FBXO6: variants seen among roughly 807,000 people sequenced by gnomAD.
FBXO6 encodes F-box only protein 6.
A neutral mutation model predicts 25.0 loss-of-function variants in FBXO6; 13 were observed. The observed-to-expected ratio is 0.52, with a 90% CI of 0.34 to 0.83. The LOEUF (loss-of-function observed/expected upper bound fraction) is 0.83, where lower values mean the gene tolerates loss of function less well. FBXO6 is among the 40% of genes least tolerant of loss of function. The pLI is 0.02. For synonymous variants in FBXO6, 138 were observed against 155.3 expected (o/e 0.89, Z 0.83); for missense variants, 370 against 380.2 (o/e 0.97, Z 0.22).
chr1:11,667,134 T>G (rs9430589), intron 1 of FBXO6, among the ~76,000 whole-genome samples: 2 of 142,746 alleles, frequency 1.4e-5, no homozygotes, highest in African/African-American at 5.1e-5. Context: ...GCAACAAGAG[T>G]GAAACTGTCT....
intron 1 of FBXO6, among the ~76,000 whole-genome samples, chr1:11,665,249 G>A (rs990858542): frequency 8.4e-6 from 1 of 118,854 alleles, no homozygotes; most frequent in African/African-American, 3.4e-5. Context: ...TTTTGAGACG[G>A]AGTGTCGCTC....
intron 2 of FBXO6, 106 bp downstream of exon 2, chr1:11,669,050 A>G (rs991620665): frequency 3.4e-5 from 46 of 1,365,406 alleles, no homozygotes; most frequent in African/African-American, 7.3e-5. Flanking sequence ...CTAACCCTAA[A>G]CACCCACCTC....
Position 11,673,159 on chromosome 1 carries a change from A to G in FBXO6, c.510-118A>G. 2.3e-6 allele frequency: 3 copies of G among 1,291,840 alleles called. No individual in the cohort carries two copies. Among genetic ancestry groups the G allele is most frequent in the Non-Finnish European group, 3.1e-6 (3 of 956,568 alleles). 80.0% of individuals were successfully genotyped at this position (1,291,840 alleles called of 1,614,324 possible). A position where few individuals can be genotyped will look rare whatever the true frequency, so the allele number is the denominator to read the frequency against. ...GAAGCCAGCTGGGCCTTGCAGGCAG[A>G]GCAGTGTCAGCTGATGGGAGATGAA... is the stretch of plus-strand genomic sequence containing the variant. On this transcript the variant is annotated intron_variant, in intron 4 of 5. Coordinates refer to ENST00000376753, the MANE Select transcript of FBXO6 (RefSeq NM_018438.6). This position sits in a 1 kb window ranked among gnomAD's most constrained non-coding sequence, Gnocchi z 4.3.
At position 11,664,243 on chromosome 1, in the gene FBXO6, C is replaced by T. The variant is rs1298288094; in HGVS notation, c.-16C>T. On this transcript the variant is annotated 5_prime_UTR_variant, in exon 1 of 6. Coordinates refer to ENST00000376753, the MANE Select transcript of FBXO6 (RefSeq NM_018438.6). ...GCAGGCCGCAGCGAGGGCCCGGGCC[C>T]TGGGGATCCCAGGTTCGTCTTCCCG... 6.6e-6 allele frequency: 1 copy of T among 151,956 alleles called. No individual in the cohort carries two copies. The highest frequency in any genetic ancestry group is 1.5e-5 in the Non-Finnish European group (1 of 68,048). 9.4% of individuals were successfully genotyped at this position (151,956 alleles called of 1,614,324 possible). A position where few individuals can be genotyped will look rare whatever the true frequency, so the allele number is the denominator to read the frequency against.
chr1:11,670,227 A>C (rs1341317363), intron 2 of FBXO6, among the ~76,000 whole-genome samples: 1 of 151,166 alleles, frequency 6.6e-6, no homozygotes, highest in Non-Finnish European at 1.5e-5. Flanking sequence ...AAAAAAAAAA[A>C]AGTGCCCTGG....
Position 11,673,521 on chromosome 1 carries a change from T to G in FBXO6, c.646-94T>G. 6.4e-7 allele frequency: 1 copy of G among 1,572,340 alleles called. No homozygotes were observed. Among genetic ancestry groups the G allele is most frequent in the Non-Finnish European group, 8.7e-7 (1 of 1,154,232 alleles). On this transcript the variant is annotated intron_variant, in intron 5 of 5. Transcript: ENST00000376753. This position sits in a 1 kb window ranked among gnomAD's most constrained non-coding sequence, Gnocchi z 4.3. Reference sequence around the variant, plus strand: ...GGTGCCCCTGCTGGCCTGGAGCTGTTGCCTTCCAGCCTGGGCAGCTCTCTT... The same window carrying G: ...GGTGCCCCTGCTGGCCTGGAGCTGTGGCCTTCCAGCCTGGGCAGCTCTCTT...
At chr1:11,670,566 C>T (rs1383520048) in intron 2 of FBXO6, among the ~76,000 whole-genome samples, 1 of 149,860 alleles carries the variant, frequency 6.7e-6, no homozygotes, top group African/African-American at 2.5e-5. Context: ...CCATCTGGGT[C>T]AAGTAAGCAG....
chr1:11,668,978 G>T, intron 2 of FBXO6, 34 bp downstream of exon 2: 11 of 1,605,608 alleles, frequency 6.9e-6, no homozygotes, highest in Non-Finnish European at 9.4e-6. Flanking sequence ...CTGCCACCAG[G>T]CTCGTTCCTT....
intron 1 of FBXO6, 132 bp from the exon 2 acceptor site, chr1:11,668,524 G>C: frequency 8.7e-7 from 1 of 1,148,420 alleles, no homozygotes; most frequent in East Asian, 2.5e-5. Flanking sequence ...AGCCTCCCAA[G>C]TACCTGGGAC....
intron 2 of FBXO6, among the ~76,000 whole-genome samples, chr1:11,669,888 C>T (rs1439165469): frequency 2.1e-5 from 3 of 145,180 alleles, no homozygotes; most frequent in Non-Finnish European, 4.6e-5. Flanking sequence ...CTGCCTGCCT[C>T]GGCCTCCCAA....
In FBXO6 at chr1:11,673,808, A is replaced by C. The variant is rs907679843; in HGVS notation, c.839A>C (p.Glu280Ala). The stretch of plus-strand genomic sequence containing the variant: ...CCTGGGCAGAAGCATGGACAGGAGG[A>C]GGCTGCCCAATCGCCCTACCGAGCT... ...AQPGQKHGQEEAAQSPYRAVV... is the reference protein window; with the variant it reads ...AQPGQKHGQEAAAQSPYRAVV... Residue 280 changes from glutamate to alanine, a missense_variant, in exon 6 of 6, where the codon GAG becomes GCG. Coordinates refer to ENST00000376753, the MANE Select transcript of FBXO6 (RefSeq NM_018438.6). This position sits in a 1 kb window ranked among gnomAD's most constrained non-coding sequence, Gnocchi z 4.3. 13 of 1,614,054 alleles carry C rather than the reference A, an allele frequency of 8.1e-6. No individual in the cohort carries two copies. The highest frequency in any genetic ancestry group is 1.1e-5 in the Non-Finnish European group (13 of 1,180,014).
Position 11,672,575 on chromosome 1 carries a change from C to T in FBXO6, c.509+552C>T, listed in dbSNP as rs1029333986. Among the ~76,000 whole-genome samples the T allele has an allele frequency of 7.2e-5, 11 of 152,346 alleles. No individual in the cohort carries two copies. In the East Asian group the frequency reaches 2.1e-3, roughly 29 times the overall value. On this transcript the variant is annotated intron_variant, in intron 4 of 5. Transcript: ENST00000376753. ...AAAGTGCTGGGATTACAGGTGTGAGCCACTGTGCCCAGCCACTGTGCACTG... is the reference window on the plus strand; with the variant it reads ...AAAGTGCTGGGATTACAGGTGTGAGTCACTGTGCCCAGCCACTGTGCACTG...
chr1:11,665,540 C>G (rs1180980149), intron 1 of FBXO6, among the ~76,000 whole-genome samples: 1 of 143,168 alleles, frequency 7.0e-6, no homozygotes, highest in Admixed American at 7.0e-5. Flanking sequence ...CAGGCGTGAG[C>G]CACCGCGCCC....
At chr1:11,672,389 C>T (rs1477063733) in intron 4 of FBXO6, among the ~76,000 whole-genome samples, 2 of 152,130 alleles carry the variant, frequency 1.3e-5, no homozygotes, top group East Asian at 1.9e-4. Flanking sequence ...CATGTTCAAG[C>T]GATTCTCCTG....
intron 1 of FBXO6, among the ~76,000 whole-genome samples, chr1:11,667,662 TGCCGTGGGGGATTCCCATGG>T (rs966767084): frequency 6.6e-6 from 1 of 151,854 alleles, no homozygotes; most frequent in Non-Finnish European, 1.5e-5. Context: ...CTCAGCCGGG[TGCCGTGGGGGATTCCCATGG>T]GGTTGTTTTA....
chr1:11,669,216 G>A (rs1292060025), intron 2 of FBXO6, among the ~76,000 whole-genome samples: 5 of 151,958 alleles, frequency 3.3e-5, no homozygotes, highest in Admixed American at 2.0e-4. Flanking sequence ...CTGTAATCCC[G>A]GCACTTTGGG....
intron 1 of FBXO6, among the ~76,000 whole-genome samples, chr1:11,665,248 G>T (rs1277820668): frequency 4.3e-5 from 4 of 92,446 alleles, no homozygotes; most frequent in East Asian, 3.3e-4. Context: ...TTTTTGAGAC[G>T]GAGTGTCGCT....
chr1:11,668,709 C>T lies in FBXO6; in HGVS notation c.51C>T (p.Pro17=), dbSNP rs767346215. Reference sequence around the variant, plus strand: ...CCCTGGACAGCATTAACGAGCTGCCCGAGAACATCCTGCTGGAGCTGTTCA... The same window carrying T: ...CCCTGGACAGCATTAACGAGCTGCCTGAGAACATCCTGCTGGAGCTGTTCA... The part of the protein sequence containing the change: ...KAALDSINEL[P]ENILLELFTH... Residue 17 remains proline (P), a synonymous_variant, in exon 2 of 6, where the codon CCC becomes CCT. Coordinates refer to ENST00000376753, the MANE Select transcript of FBXO6 (RefSeq NM_018438.6). 1.1e-5 allele frequency: 17 copies of T among 1,613,914 alleles called. No individual in the cohort carries two copies. Among genetic ancestry groups the T allele is most frequent in the Non-Finnish European group, 1.3e-5 (15 of 1,180,018 alleles).
Position 11,671,214 on chromosome 1 carries a change from C to G in FBXO6, c.287-52C>G, listed in dbSNP as rs111305994. Reference sequence around the variant, plus strand: ...CCCTCCTGGGACTAAGTGGGGAGGGCTGGACTTTGGATTTACACAGGGGGT... The same window carrying G: ...CCCTCCTGGGACTAAGTGGGGAGGGGTGGACTTTGGATTTACACAGGGGGT... On this transcript the variant is annotated intron_variant, in intron 2 of 5. Transcript: ENST00000376753. 3.8e-6 allele frequency: 6 copies of G among 1,596,916 alleles called. 1 individual carries two copies. In the African/African-American group the frequency reaches 6.7e-5, roughly 18 times the overall value.
Sources: allele counts gnomAD v4.1 joint callset (sites outside exome capture counted in the v4.1 genomes callset), GRCh38; gene constraint gnomAD v4.1.1; non-coding constraint Gnocchi (gnomAD v3.1); transcripts MANE v1.5; gene names NCBI Gene and HGNC (gene_info 2026-07-23, HGNC 2026-07-21).